The following TMEM117 variants were observed in gnomAD, a reference collection of about 807,000 sequenced individuals.
The protein encoded by TMEM117 is transmembrane protein 117.
In TMEM117, 27 loss-of-function variants were observed where a neutral mutation model predicts 52.4. The ratio of observed to expected loss-of-function variants is 0.51; its 90% confidence interval spans 0.38 to 0.71. TMEM117 has a LOEUF of 0.71. TMEM117 is among the 30% of genes least tolerant of loss of function. The probability of loss-of-function intolerance (pLI) is 0.00; values close to 1 mark genes in which losing one functional copy is unlikely to be tolerated. For synonymous variants in TMEM117, 215 were observed against 206.3 expected, an observed-to-expected ratio of 1.04 and a Z score of -0.36; for missense variants, 556 against 630.5, an observed-to-expected ratio of 0.88 and a Z score of 1.26.
At chr12:44,271,731 A>G (rs1462626542) in intron 5 of TMEM117, among the ~76,000 whole-genome samples, 1 of 152,144 alleles carries the variant, frequency 6.6e-6, no homozygotes. Context: ...AAAAGCAAAA[A>G]CAGACAAATG....
chr12:44,245,643 A>G (rs1206273332), intron 5 of TMEM117, among the ~76,000 whole-genome samples: 1 of 151,922 alleles, frequency 6.6e-6, no homozygotes, highest in Non-Finnish European at 1.5e-5. Flanking sequence ...CATCAACAGA[A>G]AGAATTTCAC....
At chr12:44,392,115 A>G (rs970630985), downstream of TMEM117, among the ~76,000 whole-genome samples, 1 of 152,194 alleles carries the variant, frequency 6.6e-6, no homozygotes, top group African/African-American at 2.4e-5. Flanking sequence ...AGTCAAGCTC[A>G]GAAACGTTTG....
intron 3 of TMEM117, among the ~76,000 whole-genome samples, chr12:44,062,360 C>G (rs2137957906): frequency 6.6e-6 from 1 of 152,216 alleles, no homozygotes; most frequent in East Asian, 1.9e-4. Context: ...AGGTATGCAC[C>G]AGTTTTCTTA....
At chr12:44,232,367 GT>G (rs1278686991) in intron 5 of TMEM117, among the ~76,000 whole-genome samples, 2 of 151,186 alleles carry the variant, frequency 1.3e-5, no homozygotes, top group African/African-American at 4.9e-5. Context: ...TTATGGAAAA[GT>G]TTATTTTTTT....
At chr12:44,360,640 ATG>A (rs199826841) in intron 6 of TMEM117, among the ~76,000 whole-genome samples, 2,404 of 152,104 alleles carry the variant, frequency 0.016, 30 homozygotes, top group Non-Finnish European at 0.024. Flanking sequence ...AAACATATTG[ATG>A]TGTAAGGTAA....
At chr12:44,122,348 T>A (rs1948251097) in intron 3 of TMEM117, among the ~76,000 whole-genome samples, 1 of 152,118 alleles carries the variant, frequency 6.6e-6, no homozygotes. Flanking sequence ...CCAGCCTCTT[T>A]TTCTTTTTTG....
intron 3 of TMEM117, among the ~76,000 whole-genome samples, chr12:44,087,376 G>A (rs572787257): frequency 2.6e-5 from 4 of 152,186 alleles, no homozygotes; most frequent in Admixed American, 6.6e-5. Context: ...TATTCAGTAA[G>A]CACCTTAGTT....
chr12:43,895,947 T>A (rs549301360), intron 2 of TMEM117, among the ~76,000 whole-genome samples: 122 of 152,318 alleles, frequency 8.0e-4, no homozygotes, highest in Non-Finnish European at 1.3e-3. Context: ...ATCTGCAATT[T>A]CATTTTCTCC....
intron 3 of TMEM117, among the ~76,000 whole-genome samples, chr12:44,085,996 G>A (rs746324016): frequency 1.6e-4 from 25 of 151,848 alleles, no homozygotes; most frequent in Non-Finnish European, 2.1e-4. Context: ...AATAGCACAG[G>A]GTTTTAAATA....
chr12:44,335,551 C>T (rs962588582), intron 6 of TMEM117, among the ~76,000 whole-genome samples: 2 of 151,800 alleles, frequency 1.3e-5, no homozygotes, highest in Admixed American at 1.3e-4. Context: ...ATGGCAGAGC[C>T]AGAATTATCA....
intron 6 of TMEM117, among the ~76,000 whole-genome samples, chr12:44,327,538 TG>T (rs1951212416): frequency 6.6e-6 from 1 of 152,224 alleles, no homozygotes; most frequent in Non-Finnish European, 1.5e-5. Flanking sequence ...TTAAAGTGCC[TG>T]CATGTTTTTG....
intron 5 of TMEM117, among the ~76,000 whole-genome samples, chr12:44,223,750 C>G (rs1459039591): frequency 4.6e-5 from 7 of 152,128 alleles, no homozygotes; most frequent in Admixed American, 4.6e-4. Context: ...AGTTAACTAA[C>G]TCAGCCAACC....
At chr12:43,870,676 G>A (rs1943688588) in intron 2 of TMEM117, among the ~76,000 whole-genome samples, 1 of 152,156 alleles carries the variant, frequency 6.6e-6, no homozygotes, top group African/African-American at 2.4e-5. Flanking sequence ...CTGCCTCTAG[G>A]TCTTTGAGGA....
intron 3 of TMEM117, among the ~76,000 whole-genome samples, chr12:44,108,079 T>C (rs565794276): frequency 6.6e-6 from 1 of 152,308 alleles, no homozygotes; most frequent in South Asian, 2.1e-4. Flanking sequence ...CAGTTTAGAC[T>C]ATACTTCCAC....
chr12:44,386,533 A>G, intron 7 of TMEM117, among the ~76,000 whole-genome samples: 1 of 152,132 alleles, frequency 6.6e-6, no homozygotes, highest in East Asian at 1.9e-4. Context: ...AGCTCTCTTC[A>G]TAGAGGAGCA....
intron 2 of TMEM117, among the ~76,000 whole-genome samples, chr12:43,854,429 T>C (rs1021019426): frequency 1.7e-4 from 25 of 149,770 alleles, no homozygotes; most frequent in Non-Finnish European, 3.4e-4. Context: ...GCTGGGAGAC[T>C]GGAGGAGTGA....
At chr12:43,973,908 T>G (rs1012992889) in intron 3 of TMEM117, among the ~76,000 whole-genome samples, 1 of 152,158 alleles carries the variant, frequency 6.6e-6, no homozygotes, top group Non-Finnish European at 1.5e-5. Flanking sequence ...GTAGAAATGT[T>G]TGCTTGGGTA....
At chr12:44,104,529 G>A (rs1041978787) in intron 3 of TMEM117, among the ~76,000 whole-genome samples, 3 of 122,324 alleles carry the variant, frequency 2.5e-5, no homozygotes, top group Non-Finnish European at 5.3e-5. Flanking sequence ...CCTGTGACTG[G>A]TATTATTATC....
chr12:44,168,956 A>G (rs1949007548), intron 4 of TMEM117, among the ~76,000 whole-genome samples: 1 of 152,196 alleles, frequency 6.6e-6, no homozygotes, highest in East Asian at 1.9e-4. Context: ...AAATCATACA[A>G]TATTTGTCCT....
Sources: allele counts gnomAD v4.1 joint callset (sites outside exome capture counted in the v4.1 genomes callset), GRCh38; gene constraint gnomAD v4.1.1; transcripts MANE v1.5; gene names NCBI Gene and HGNC (gene_info 2026-07-23, HGNC 2026-07-21).